KIZ: variants seen among roughly 807,000 people sequenced by gnomAD.
KIZ encodes the protein kizuna centrosomal protein, also known as centrosomal protein kizuna.
A neutral mutation model predicts 79.6 loss-of-function variants in KIZ; 68 were observed. That is an observed-to-expected ratio of 0.85 (90% CI 0.70 to 1.05). The LOEUF is 1.05. Among genes scored for constraint, KIZ ranks in the 50% least tolerant of loss-of-function variants. The pLI is 0.00. For synonymous variants in KIZ, 280 were observed against 281.8 expected (o/e 0.99, Z 0.06); for missense variants, 797 against 800.4 (o/e 1.00, Z 0.05).
chr20:21,238,802 G>A (rs376130054), intron 11 of KIZ, among the ~76,000 whole-genome samples: 4 of 152,318 alleles, frequency 2.6e-5, no homozygotes, highest in African/African-American at 4.8e-5. Flanking sequence ...CACAGAGTCC[G>A]ATGCCTTGCT....
intron 7 of KIZ, among the ~76,000 whole-genome samples, chr20:21,207,541 T>A (rs1279726336): frequency 6.9e-6 from 1 of 144,964 alleles, no homozygotes; most frequent in Non-Finnish European, 1.5e-5. Flanking sequence ...TTTCTCTCTT[T>A]TCCCTCTTCT....
chr20:21,214,962 T>G (rs1340182531), intron 8 of KIZ, among the ~76,000 whole-genome samples: 1 of 152,212 alleles, frequency 6.6e-6, no homozygotes, highest in East Asian at 1.9e-4. Context: ...TACGAAATCT[T>G]AACAAAACTA....
chr20:21,224,359 GA>G (rs2036596122), intron 9 of KIZ, among the ~76,000 whole-genome samples: 1 of 152,200 alleles, frequency 6.6e-6, no homozygotes, highest in South Asian at 2.1e-4. Flanking sequence ...AGTAACTTAA[GA>G]AATATATCTC....
intron 3 of KIZ, among the ~76,000 whole-genome samples, chr20:21,144,721 G>A (rs905545189): frequency 2.0e-5 from 3 of 152,074 alleles, no homozygotes; most frequent in African/African-American, 4.8e-5. Flanking sequence ...CAAAGCTCAG[G>A]CCTATTTTAT....
At chr20:21,131,582 C>T (rs1377542485) in intron 1 of KIZ, among the ~76,000 whole-genome samples, 2 of 152,166 alleles carry the variant, frequency 1.3e-5, no homozygotes, top group African/African-American at 2.4e-5. Context: ...GAAATGCCAG[C>T]GACTCAGAGA....
intron 9 of KIZ, among the ~76,000 whole-genome samples, chr20:21,218,931 A>G: frequency 6.6e-6 from 1 of 152,236 alleles, no homozygotes; most frequent in East Asian, 1.9e-4. Flanking sequence ...TAAGGTTACA[A>G]TAGTAATTTT....
In KIZ at chr20:21,136,436, T is replaced by C; in HGVS notation, c.199T>C (p.Cys67Arg). ...ACTAAAGAATTATCTGAAGGAAATA[T>C]GTGAATCTGAAAAGAAGGCTCATAC... ...VKLKNYLKEI[C>R]ESEKKAHTRN... Residue 67 changes from cysteine to arginine, a missense_variant, in exon 3 of 13, where the codon TGT becomes CGT. Coordinates refer to ENST00000619189, the MANE Select transcript of KIZ (RefSeq NM_018474.6). 2 of 1,567,954 alleles carry C rather than the reference T, an allele frequency of 1.3e-6. No individual in the cohort carries two copies. Among genetic ancestry groups the C allele is most frequent in the East Asian group, 2.3e-5 (1 of 44,266 alleles).
intron 12 of KIZ, chr20:21,245,079 C>G (rs967430248): frequency 6.6e-6 from 1 of 152,272 alleles, no homozygotes; most frequent in African/African-American, 2.4e-5. Context: ...CTTGGGCTCT[C>G]TCACCTCCTG....
intron 6 of KIZ, among the ~76,000 whole-genome samples, chr20:21,169,622 A>G (rs998215140): frequency 1.8e-4 from 27 of 152,314 alleles, no homozygotes; most frequent in African/African-American, 6.5e-4. Flanking sequence ...ATAAAGACAC[A>G]TGCAGACGTA....
At chr20:21,179,586 CATT>C (rs2034569201) in intron 6 of KIZ, among the ~76,000 whole-genome samples, 1 of 151,224 alleles carries the variant, frequency 6.6e-6, no homozygotes, top group African/African-American at 2.4e-5. Flanking sequence ...TATCTCTGAT[CATT>C]ATTATTTCCT....
intron 9 of KIZ, among the ~76,000 whole-genome samples, chr20:21,225,160 TG>T (rs1404169676): frequency 6.6e-6 from 1 of 151,894 alleles, no homozygotes; most frequent in Non-Finnish European, 1.5e-5. Context: ...CTGCATGAGA[TG>T]GCCCCCCTTG....
intron 9 of KIZ, among the ~76,000 whole-genome samples, chr20:21,222,716 T>TCTCTGC (rs2123375112): frequency 1.3e-5 from 2 of 152,322 alleles, no homozygotes; most frequent in South Asian, 4.2e-4. Context: ...ATAAGCCCTG[T>TCTCTGC]CTCTGCCTCT....
intron 6 of KIZ, among the ~76,000 whole-genome samples, chr20:21,204,622 A>G (rs1440499791): frequency 6.6e-6 from 1 of 150,568 alleles, no homozygotes; most frequent in South Asian, 2.1e-4. Context: ...AGTTCTTTTG[A>G]TACAACTTTG....
chr20:21,163,147 C>T lies in KIZ; in HGVS notation c.1340C>T (p.Ala447Val), dbSNP rs1317261732. The change falls in exon 6 of 13, where the codon GCA (alanine) becomes GTA (valine). Residue 447 changes from alanine (A) to valine (V), a missense_variant. Coordinates refer to ENST00000619189, the MANE Select transcript of KIZ (RefSeq NM_018474.6). ...PDSEKESSTN[A>V]PTREPGQTPD... The stretch of plus-strand genomic sequence containing the variant: ...TCAGAAAAGGAATCCTCCACTAACG[C>T]ACCAACAAGAGAGTAAGCCATTCAA... 18 of 1,607,934 alleles carry T rather than the reference C, an allele frequency of 1.1e-5. No homozygotes were observed. Among genetic ancestry groups the T allele is most frequent in the Non-Finnish European group, 1.4e-5 (17 of 1,177,222 alleles).
chr20:21,132,065 T>A, intron 1 of KIZ, 32 bp from the exon 2 acceptor site: 1 of 889,210 alleles, frequency 1.1e-6, no homozygotes, highest in Non-Finnish European at 1.8e-6. Flanking sequence ...TTACTTATCA[T>A]GTAATTACTT....
At chr20:21,185,249 T>G (rs948216880) in intron 6 of KIZ, among the ~76,000 whole-genome samples, 1 of 152,228 alleles carries the variant, frequency 6.6e-6, no homozygotes, top group East Asian at 1.9e-4. Context: ...TCTCACTTTT[T>G]TTCTGACGGT....
At chr20:21,203,648 C>T (rs981076079) in intron 6 of KIZ, among the ~76,000 whole-genome samples, 2 of 152,156 alleles carry the variant, frequency 1.3e-5, no homozygotes, top group Non-Finnish European at 2.9e-5. Context: ...TTGTCAGCTA[C>T]TTGGTGACTC....
intron 6 of KIZ, among the ~76,000 whole-genome samples, chr20:21,169,485 T>C (rs2034106778): frequency 6.6e-6 from 1 of 152,150 alleles, no homozygotes; most frequent in South Asian, 2.1e-4. Flanking sequence ...TTGATGGGAG[T>C]GTAAACTAGT....
chr20:21,201,134 G>T (rs1014219425), intron 6 of KIZ, among the ~76,000 whole-genome samples: 2 of 152,138 alleles, frequency 1.3e-5, no homozygotes, highest in Non-Finnish European at 2.9e-5. Flanking sequence ...AGCTGTGATT[G>T]TGCCACTGCA....
Sources: gnomAD v4.1 joint callset for allele counts (sites outside exome capture counted in the v4.1 genomes callset) on GRCh38, gnomAD v4.1.1 for gene constraint, MANE v1.5 for transcripts, NCBI Gene and HGNC (gene_info 2026-07-23, HGNC 2026-07-21) for gene names.